INPP5A: variants seen among roughly 807,000 people sequenced by gnomAD.
INPP5A encodes the protein 43 kDa inositol polyphosphate 5-phophatase.
A neutral mutation model predicts 65.2 loss-of-function variants in INPP5A; 14 were observed. The ratio of observed to expected loss-of-function variants is 0.21; its 90% CI spans 0.14 to 0.34. INPP5A has a LOEUF of 0.34. Ranked by LOEUF, INPP5A falls within the 10% of genes least tolerant of loss-of-function variation. INPP5A has a pLI of 1.00. For synonymous variants in INPP5A, 207 were observed against 208.3 expected (o/e 0.99, Z 0.05); for missense variants, 431 against 545.6 (o/e 0.79, Z 2.09).
intron 11 of INPP5A, among the ~76,000 whole-genome samples, chr10:132,751,967 T>G (rs1846490381): frequency 6.9e-6 from 1 of 145,742 alleles, no homozygotes; most frequent in Non-Finnish European, 1.5e-5. Flanking sequence ...TGAAAGGGGG[T>G]GCACAGGACG....
chr10:132,613,308 C>T lies in INPP5A; in HGVS notation c.117+5352C>T, dbSNP rs570189702. On this transcript the variant is annotated intron_variant, in intron 2 of 15. Transcript: ENST00000368594. Reference sequence around the variant, plus strand: ...GGGCCCCCTCCTTCCCGAGTCCCCCCGCAGGGCCCCCTCCTTCCCGAGTCC... The same window carrying T: ...GGGCCCCCTCCTTCCCGAGTCCCCCTGCAGGGCCCCCTCCTTCCCGAGTCC... 2.8e-3 allele frequency among the ~76,000 whole-genome samples: 411 copies of T among 146,574 alleles called. 2 individuals carry two copies. The highest frequency in any genetic ancestry group is 5.5e-3 in the Admixed American group (80 of 14,446).
Position 132,780,884 on chromosome 10 carries a change from C to T in INPP5A, c.1125C>T (p.His375=), listed in dbSNP as rs1261761387. 6.2e-7 allele frequency: 1 copy of T among 1,611,226 alleles called. No individual in the cohort carries two copies. The highest frequency in any genetic ancestry group is 1.3e-5 in the African/African-American group (1 of 74,768). Residue 375 remains histidine, a synonymous_variant, in exon 14 of 16, where the codon CAC becomes CAT. Coordinates refer to ENST00000368594, the MANE Select transcript of INPP5A (RefSeq NM_005539.5). ...AGGAGAAGGTTGTCACCTATGACCA[C>T]ATTGGGCCCAACGTCTGCATGGGAG... ...ESEEKVVTYD[H]IGPNVCMGDH...
intron 1 of INPP5A, among the ~76,000 whole-genome samples, chr10:132,570,424 GTT>G (rs955500800): frequency 5.3e-5 from 8 of 152,262 alleles, no homozygotes; most frequent in African/African-American, 1.9e-4. Flanking sequence ...GAGCTGGAGG[GTT>G]TTCCTTCCGA....
intron 2 of INPP5A, among the ~76,000 whole-genome samples, chr10:132,640,552 T>C (rs1320076699): frequency 6.6e-6 from 1 of 152,260 alleles, no homozygotes; most frequent in Non-Finnish European, 1.5e-5. Context: ...AGGCTCGCCC[T>C]GTGTATCACT....
chr10:132,630,790 C>T (rs181200953), intron 2 of INPP5A, among the ~76,000 whole-genome samples: 1,433 of 114,672 alleles, frequency 0.012, 29 homozygotes, highest in African/African-American at 0.044. Flanking sequence ...TGGTGGGGGC[C>T]GGGAGGCGGC....
At chr10:132,591,489 C>T (rs2071618718) in intron 1 of INPP5A, among the ~76,000 whole-genome samples, 2 of 152,200 alleles carry the variant, frequency 1.3e-5, no homozygotes, top group South Asian at 4.1e-4. Context: ...GGACTCAAAG[C>T]TTTTGTTCGT....
chr10:132,774,564 G>A (rs962645853), intron 12 of INPP5A, among the ~76,000 whole-genome samples: 1 of 152,172 alleles, frequency 6.6e-6, no homozygotes, highest in African/African-American at 2.4e-5. Context: ...CTGCCTTCTG[G>A]GGTCCTCCCA....
intron 9 of INPP5A, among the ~76,000 whole-genome samples, chr10:132,738,933 C>T (rs1293235768): frequency 1.3e-5 from 2 of 152,206 alleles, no homozygotes; most frequent in Non-Finnish European, 2.9e-5. Context: ...TCACGGTGGG[C>T]ACTTTTGTCA....
chr10:132,697,929 G>T lies in INPP5A; in HGVS notation c.474+10G>T. On this transcript the variant is annotated intron_variant, in intron 6 of 15. Coordinates refer to ENST00000368594, the MANE Select transcript of INPP5A (RefSeq NM_005539.5). The surrounding 1 kb of genome is among the most constrained non-coding windows in gnomAD (Gnocchi z 5.6). ...GGACTACTTCCCCGAGGTACGTAGC[G>T]AGGCTTTCTCACTGACGTGTTTACT... The T allele has an allele frequency of 6.3e-7, 1 of 1,575,762 alleles. No individual in the cohort carries two copies.
At chr10:132,589,299 C>G (rs763133760) in intron 1 of INPP5A, among the ~76,000 whole-genome samples, 1 of 152,224 alleles carries the variant, frequency 6.6e-6, no homozygotes, top group African/African-American at 2.4e-5. Context: ...CATGCGGGCT[C>G]GAGGAAGCTG....
rs891642163 is a variant in INPP5A, at chr10:132,678,594, TGTG to T, written c.307-11794_307-11792del. ...GCTGCTCAGCCGGGCGCCCAGAGGG[TGTG>T]GTGCCTCTCTCATTGCCCAGGAGCC... On this transcript the variant is annotated intron_variant, in intron 4 of 15. Coordinates refer to ENST00000368594, the MANE Select transcript of INPP5A (RefSeq NM_005539.5). The surrounding 1 kb of genome is among the most constrained non-coding windows in gnomAD (Gnocchi z 4.1). Among the ~76,000 whole-genome samples, 2 of 151,910 alleles carry T rather than the reference TGTG, an allele frequency of 1.3e-5. No individual in the cohort carries two copies. The highest frequency in any genetic ancestry group is 4.8e-5 in the African/African-American group (2 of 41,352).
At chr10:132,771,128 C>T (rs189267337) in intron 12 of INPP5A, among the ~76,000 whole-genome samples, 52 of 152,202 alleles carry the variant, frequency 3.4e-4, no homozygotes, top group Middle Eastern at 6.8e-3. Context: ...ATATGGTGTC[C>T]GTGAAAACGA....
intron 11 of INPP5A, among the ~76,000 whole-genome samples, chr10:132,765,230 T>G (rs1486391368): frequency 6.6e-6 from 1 of 152,178 alleles, no homozygotes; most frequent in African/African-American, 2.4e-5. Context: ...GGGCTTGTTT[T>G]GGAAGAGTCT....
At position 132,644,311 on chromosome 10, in the gene INPP5A, G is replaced by A. The variant is rs759456266; in HGVS notation, c.118-1557G>A. 1.5e-3 allele frequency among the ~76,000 whole-genome samples: 232 copies of A among 152,208 alleles called. No homozygotes were observed. The highest frequency in any genetic ancestry group is 3.1e-3 in the Admixed American group (48 of 15,290). ...ACGGCCGCCCTTGTCTCCTGCTGCC[G>A]CTGCCACCTGCAGCACAGACGGAGC... On this transcript the variant is annotated intron_variant, in intron 2 of 15. Coordinates refer to ENST00000368594, the MANE Select transcript of INPP5A (RefSeq NM_005539.5). The surrounding 1 kb of genome is among the most constrained non-coding windows in gnomAD (Gnocchi z 6.5).
chr10:132,628,021 G>T (rs1345321598), intron 2 of INPP5A, among the ~76,000 whole-genome samples: 1 of 152,168 alleles, frequency 6.6e-6, no homozygotes, highest in African/African-American at 2.4e-5. Flanking sequence ...ACAGCACAGC[G>T]CTCTGATCAG....
At position 132,755,457 on chromosome 10, in the gene INPP5A, AGCGAGT is replaced by A. The variant is rs146376473; in HGVS notation, c.903+5614_903+5619del. On this transcript the variant is annotated intron_variant, in intron 11 of 15. Coordinates refer to ENST00000368594, the MANE Select transcript of INPP5A (RefSeq NM_005539.5). The stretch of plus-strand genomic sequence containing the variant: ...GGGTGTGTGCATGAGAGCAGGTGTG[AGCGAGT>A]GTGTGTGAGCAGGCATACGCATATG... 3.4e-3 allele frequency among the ~76,000 whole-genome samples: 412 copies of A among 122,066 alleles called. 9 individuals carry two copies. Among genetic ancestry groups the A allele is most frequent in the Middle Eastern group, 0.013 (2 of 156 alleles). The allele number at this position is 122,066 out of a possible 152,430, so 80.1% of individuals were successfully genotyped here. A position where few individuals can be genotyped will look rare whatever the true frequency, so the allele number is the denominator to read the frequency against.
In INPP5A at chr10:132,760,343, G is replaced by A. The variant is rs150338936; in HGVS notation, c.904-5430G>A. Reference sequence around the variant, plus strand: ...GCTGGAGGCAGAGCCAGGGTCGGACGCTGTGCCGCACGCCTGCGAGGGGCG... The same window carrying A: ...GCTGGAGGCAGAGCCAGGGTCGGACACTGTGCCGCACGCCTGCGAGGGGCG... On this transcript the variant is annotated intron_variant, in intron 11 of 15. Coordinates refer to ENST00000368594, the MANE Select transcript of INPP5A (RefSeq NM_005539.5). Among the ~76,000 whole-genome samples the A allele has an allele frequency of 3.6e-3, 555 of 152,342 alleles. 2 individuals are homozygous for A. Among genetic ancestry groups the A allele is most frequent in the South Asian group, 5.4e-3 (26 of 4,832 alleles).
chr10:132,559,397 T>G (rs1261097393), intron 1 of INPP5A, among the ~76,000 whole-genome samples: 1 of 152,240 alleles, frequency 6.6e-6, no homozygotes, highest in Non-Finnish European at 1.5e-5. Context: ...AACCTACAGT[T>G]CAGTGTTTTA....
At chr10:132,540,559 C>T (rs1339194190) in intron 1 of INPP5A, among the ~76,000 whole-genome samples, 1 of 152,258 alleles carries the variant, frequency 6.6e-6, no homozygotes, top group African/African-American at 2.4e-5. Context: ...ACCAGCCAGG[C>T]ACTCACATTC....
Sources: allele counts gnomAD v4.1 joint callset (sites outside exome capture counted in the v4.1 genomes callset), GRCh38; gene constraint gnomAD v4.1.1; non-coding constraint Gnocchi (gnomAD v3.1); transcripts MANE v1.5; gene names NCBI Gene and HGNC (gene_info 2026-07-23, HGNC 2026-07-21).